The following MIA3 variants were observed in gnomAD, a reference collection of about 807,000 sequenced individuals.
MIA3 encodes MIA SH3 domain ER export factor 3.
In MIA3, 90 loss-of-function variants were observed where a neutral mutation model predicts 192.4. The ratio of observed to expected loss-of-function variants is 0.47; its 90% CI spans 0.39 to 0.56. The LOEUF is 0.56. MIA3 is among the 20% of genes least tolerant of loss of function. MIA3 has a pLI of 0.00. For synonymous variants in MIA3, 740 were observed against 792.8 expected (o/e 0.93, Z 1.12); for missense variants, 2,123 against 2,269.4 (o/e 0.94, Z 1.31).
intron 15 of MIA3, among the ~76,000 whole-genome samples, chr1:222,653,917 C>A (rs941029868): frequency 6.6e-6 from 1 of 152,186 alleles, no homozygotes; most frequent in African/African-American, 2.4e-5. Flanking sequence ...GTGTTTTAAA[C>A]CACACCTGGT....
chr1:222,624,296 A>C (rs1474633171), intron 2 of MIA3, among the ~76,000 whole-genome samples: 2 of 152,258 alleles, frequency 1.3e-5, no homozygotes, highest in African/African-American at 2.4e-5. Flanking sequence ...CACCTTTTGC[A>C]GTCGAGAGAA....
rs755723222 is a variant in MIA3 at position 222,654,733 on chromosome 1, T to C, written c.4547T>C (p.Leu1516Ser). Residue 1516 changes from leucine to serine, a missense_variant, in exon 18 of 28, where the codon TTG becomes TCG. Leu to Ser is a moderately radical substitution (Grantham distance 145). Transcript: ENST00000344922. ...KAGLEDECKT[L>S]RQKVEILNEL... ...GGACTGGAAGATGAATGCAAAACCT[T>C]GAGGCAGAAAGTGGAGATTCTGAAT... The C allele has an allele frequency of 6.2e-6, 10 of 1,614,130 alleles. No homozygotes were observed. Among genetic ancestry groups the C allele is most frequent in the Admixed American group, 5.0e-5 (3 of 60,022 alleles).
In MIA3 at chr1:222,667,751, T is replaced by G. The variant is rs960497675; in HGVS notation, c.*2132T>G. ...AAATCACTTTTCCATCTCTAAAGTT[T>G]CATCTATTTTGGAAGTCATCTCCAA... On this transcript the variant is annotated 3_prime_UTR_variant, in exon 28 of 28. Transcript: ENST00000344922. 1 of 152,224 alleles carries G rather than the reference T, an allele frequency of 6.6e-6. No individual in the cohort carries two copies. The highest frequency in any genetic ancestry group is 1.5e-5 in the Non-Finnish European group (1 of 68,038). The allele number at this position is 152,224 out of a possible 1,614,324, so 9.4% of individuals were successfully genotyped here.
At chr1:222,626,779 A>G (rs1662139254) in intron 3 of MIA3, among the ~76,000 whole-genome samples, 1 of 152,206 alleles carries the variant, frequency 6.6e-6, no homozygotes, top group African/African-American at 2.4e-5. Context: ...GTATCTCAGT[A>G]AGTTCCTTCT....
intron 19 of MIA3, 64 bp downstream of exon 19, chr1:222,658,887 G>C: frequency 9.5e-7 from 1 of 1,052,818 alleles, no homozygotes; most frequent in East Asian, 2.4e-5. Context: ...TTTTTTATTA[G>C]CACAAAAGCA....
intron 27 of MIA3, 105 bp downstream of exon 27, chr1:222,664,253 T>C: frequency 8.7e-7 from 1 of 1,149,386 alleles, no homozygotes; most frequent in Non-Finnish European, 1.3e-6. Context: ...AATGCAGCAG[T>C]GAAGCTGATT....
At chr1:222,626,044 A>T (rs550020303) in intron 3 of MIA3, among the ~76,000 whole-genome samples, 2 of 152,204 alleles carry the variant, frequency 1.3e-5, no homozygotes, top group Admixed American at 1.3e-4. Context: ...TATATAAAAA[A>T]CACCATGCCC....
intron 1 of MIA3, among the ~76,000 whole-genome samples, chr1:222,618,999 C>CT (rs1219721443): frequency 1.3e-5 from 2 of 151,950 alleles, no homozygotes; most frequent in African/African-American, 2.4e-5. Flanking sequence ...AGACCAAAAT[C>CT]TTTCGCTCTG....
At chr1:222,651,208 A>G (rs1368048489) in intron 11 of MIA3, among the ~76,000 whole-genome samples, 2 of 146,792 alleles carry the variant, frequency 1.4e-5, no homozygotes, top group African/African-American at 4.9e-5. Flanking sequence ...TTTGTTTTGC[A>G]AAGTTTTTTT....
rs573900426 is a variant in MIA3 at position 222,618,257 on chromosome 1, A to AGGGGCGGCTGGCCTC, written c.133+29_133+43dup. 393 of 1,426,810 alleles carry AGGGGCGGCTGGCCTC rather than the reference A, an allele frequency of 2.8e-4. 2 individuals carry two copies. The East Asian group carries it at 4.0e-3, about 15-fold the overall frequency. 88.4% of individuals were successfully genotyped at this position (1,426,810 alleles called of 1,614,324 possible). A position where few individuals can be genotyped will look rare whatever the true frequency, so the allele number is the denominator to read the frequency against. ...ACGAATGCAGCAGTGAGTGCGCTGG[A>AGGGGCGGCTGGCCTC]GGGGCGGCTGGCCTCGGGGCGGCTG... On this transcript the variant is annotated intron_variant, in intron 1 of 27. Coordinates refer to ENST00000344922, the MANE Select transcript of MIA3 (RefSeq NM_198551.4).
chr1:222,642,901 G>A (rs914237130), intron 6 of MIA3, among the ~76,000 whole-genome samples: 5 of 144,406 alleles, frequency 3.5e-5, no homozygotes, highest in Admixed American at 1.3e-4. Context: ...GTTTGCTAGC[G>A]GCTATCTTCT....
At chr1:222,664,919 G>A (rs1571914889) in intron 27 of MIA3, 1 of 467,918 alleles carries the variant, frequency 2.1e-6, no homozygotes, top group Non-Finnish European at 4.4e-6. Context: ...GCTCACGCCT[G>A]TAATCCCAGC....
rs368634171 is a variant in MIA3 at position 222,632,264 on chromosome 1, T to C, written c.3269T>C (p.Ile1090Thr). Residue 1090 changes from isoleucine to threonine, a missense_variant, in exon 5 of 28, where the codon ATT becomes ACT. Coordinates refer to ENST00000344922, the MANE Select transcript of MIA3 (RefSeq NM_198551.4). ...CCCACCCACTTGGACCAACGTGTGA[T>C]TGGGGACACTCATGCCTCAGAAGTG... ...EEPTHLDQRV[I>T]GDTHASEVSQ... 2.6e-5 allele frequency: 42 copies of C among 1,614,064 alleles called. No individual in the cohort carries two copies. In the African/African-American group the frequency reaches 3.6e-4, roughly 14 times the overall value.
chr1:222,630,516 G>A, intron 4 of MIA3, 127 bp downstream of exon 4: 1 of 870,542 alleles, frequency 1.1e-6, no homozygotes, highest in South Asian at 2.1e-5. Context: ...AACACAGGGA[G>A]GTCCACATGT....
chr1:222,630,123 C>G lies in MIA3; in HGVS notation c.2903C>G (p.Pro968Arg), dbSNP rs200475811. ...KLKSAQQESLPYNMEKVLDKV... is the reference protein window; with the variant it reads ...KLKSAQQESLRYNMEKVLDKV... ...AAGTCAGCGCAGCAGGAGAGCCTGC[C>G]CTATAATATGGAAAAAGTCCTAGAT... is the stretch of plus-strand genomic sequence containing the variant. The change falls in exon 4 of 28, where the codon CCC becomes CGC. Residue 968 changes from proline (P) to arginine (R), a missense_variant. Pro to Arg is a moderately radical substitution (Grantham distance 103, BLOSUM62 -2). Around this residue, in one of 3 missense-constraint regions of MIA3, gnomAD observed 1,357 missense variants for 1,396.1 expected, o/e 0.97. Transcript: ENST00000344922. 1.8e-4 allele frequency: 288 copies of G among 1,613,942 alleles called. No individual in the cohort carries two copies. The highest frequency in any genetic ancestry group is 2.4e-4 in the Non-Finnish European group (279 of 1,180,022).
chr1:222,657,119 G>A (rs1024309845), intron 18 of MIA3, among the ~76,000 whole-genome samples: 4 of 152,190 alleles, frequency 2.6e-5, no homozygotes, highest in African/African-American at 7.2e-5. Flanking sequence ...TGAGGTCTAA[G>A]ATGATGTTAT....
chr1:222,644,554 C>T (rs926408919), intron 6 of MIA3: 2 of 1,550,504 alleles, frequency 1.3e-6, no homozygotes, highest in African/African-American at 2.7e-5. Flanking sequence ...CTTGTCTGTG[C>T]TCTACGCAGC....
Position 222,628,697 on chromosome 1 carries a change from A to G in MIA3, c.1477A>G (p.Met493Val). Reference protein sequence around the residue: ...TELEDENQEGMTVHSSVHSNN... With the variant: ...TELEDENQEGVTVHSSVHSNN... ...ATTAGAGGATGAAAATCAAGAAGGC[A>G]TGACTGTGCACAGTTCTGTTCACAG... The change falls in exon 4 of 28, where the codon ATG becomes GTG. Residue 493 changes from methionine to valine, a missense_variant. Met to Val is a conservative substitution (Grantham distance 21). Transcript: ENST00000344922. 6.2e-7 allele frequency: 1 copy of G among 1,614,164 alleles called. No individual in the cohort carries two copies. Among genetic ancestry groups the G allele is most frequent in the South Asian group, 1.1e-5 (1 of 91,084 alleles).
At chr1:222,638,329 GA>G (rs1662718178) in intron 6 of MIA3, among the ~76,000 whole-genome samples, 1 of 152,138 alleles carries the variant, frequency 6.6e-6, no homozygotes, top group African/African-American at 2.4e-5. Context: ...CAAATATTTG[GA>G]AACTAGGTGA....
Sources: gnomAD v4.1 joint callset for allele counts (sites outside exome capture counted in the v4.1 genomes callset) on GRCh38, gnomAD v4.1.1 for gene constraint, gnomAD v4.1.1 regional missense constraint, MANE v1.5 for transcripts, NCBI Gene and HGNC (gene_info 2026-07-23, HGNC 2026-07-21) for gene names.